The following RSBN1L variants were observed in gnomAD, a reference collection of about 807,000 sequenced individuals.
RSBN1L encodes the protein lysine-specific demethylase RSBN1L.
RSBN1L carries 30 observed loss-of-function variants against 67.7 expected under a neutral mutation model. That is an observed-to-expected ratio of 0.44 (90% CI 0.33 to 0.60). The LOEUF (loss-of-function observed/expected upper bound fraction) is 0.60. Ranked by LOEUF, RSBN1L falls within the 20% of genes least tolerant of loss-of-function variation. The probability of loss-of-function intolerance (pLI) is 0.02; values close to 1 mark genes in which losing one functional copy is unlikely to be tolerated. For synonymous variants in RSBN1L, 433 were observed against 387.0 expected (o/e 1.12, Z -1.39); for missense variants, 992 against 1,031.7 (o/e 0.96, Z 0.53).
At chr7:77,697,160 G>C (rs1164348419) in intron 1 of RSBN1L, 105 bp downstream of exon 1, 58 of 1,231,758 alleles carry the variant, frequency 4.7e-5, no homozygotes, top group Non-Finnish European at 5.7e-5. Context: ...GCGTGCGCCG[G>C]CCTGGAGGGG....
intron 3 of RSBN1L, among the ~76,000 whole-genome samples, chr7:77,762,138 T>G (rs1791704051): frequency 6.6e-6 from 1 of 152,302 alleles, no homozygotes; most frequent in African/African-American, 2.4e-5. Flanking sequence ...GAATTTTACA[T>G]ATCTATATGT....
intron 1 of RSBN1L, among the ~76,000 whole-genome samples, chr7:77,735,054 G>GA (rs746643977): frequency 0.023 from 3,208 of 138,602 alleles, 83 homozygotes; most frequent in African/African-American, 0.074. Flanking sequence ...GTTATCACTT[G>GA]AAAAAAAAAA....
intron 1 of RSBN1L, among the ~76,000 whole-genome samples, chr7:77,701,916 G>A (rs1245326676): frequency 3.9e-5 from 6 of 152,120 alleles, no homozygotes; most frequent in Admixed American, 3.3e-4. Context: ...GCCTCCCAAA[G>A]TGCTGGGGTT....
intron 1 of RSBN1L, among the ~76,000 whole-genome samples, chr7:77,720,366 G>C (rs1401767412): frequency 6.6e-6 from 1 of 151,998 alleles, no homozygotes; most frequent in Non-Finnish European, 1.5e-5. Context: ...TTCAAGACCA[G>C]ACTGACCAAC....
chr7:77,734,454 T>C (rs929474062), intron 1 of RSBN1L, among the ~76,000 whole-genome samples: 1 of 152,142 alleles, frequency 6.6e-6, no homozygotes, highest in Non-Finnish European at 1.5e-5. Context: ...TTAGGAAATA[T>C]TATATAATGT....
At chr7:77,759,224 T>C (rs1308580257) in intron 3 of RSBN1L, among the ~76,000 whole-genome samples, 1 of 152,158 alleles carries the variant, frequency 6.6e-6, no homozygotes, top group Non-Finnish European at 1.5e-5. Flanking sequence ...TTGTACTAAA[T>C]TTTCATTTTG....
At chr7:77,712,420 A>G (rs2150413778) in intron 1 of RSBN1L, among the ~76,000 whole-genome samples, 1 of 152,038 alleles carries the variant, frequency 6.6e-6, no homozygotes, top group East Asian at 1.9e-4. Flanking sequence ...AGCTGGAATT[A>G]TAGACACGTG....
At chr7:77,700,838 T>C (rs1472999097) in intron 1 of RSBN1L, among the ~76,000 whole-genome samples, 1 of 152,146 alleles carries the variant, frequency 6.6e-6, no homozygotes, top group Non-Finnish European at 1.5e-5. Flanking sequence ...CAGATAAACT[T>C]ACCCATTCCA....
chr7:77,724,617 G>T (rs1480929390), intron 1 of RSBN1L, among the ~76,000 whole-genome samples: 1 of 151,154 alleles, frequency 6.6e-6, no homozygotes, highest in Non-Finnish European at 1.5e-5. Flanking sequence ...GTAGAGATGG[G>T]GTTTCACCCT....
chr7:77,714,901 T>A (rs1268113290), intron 1 of RSBN1L, among the ~76,000 whole-genome samples: 3 of 149,166 alleles, frequency 2.0e-5, no homozygotes, highest in Non-Finnish European at 4.4e-5. Context: ...AGGCGGAGCT[T>A]GCAGTGAGCT....
chr7:77,727,550 G>C (rs1348436189), intron 1 of RSBN1L, among the ~76,000 whole-genome samples: 1 of 151,752 alleles, frequency 6.6e-6, no homozygotes, highest in Non-Finnish European at 1.5e-5. Context: ...TTGTCACCCA[G>C]GTTAGAATGC....
At position 77,757,494 on chromosome 7, in the gene RSBN1L, C is replaced by T. The variant is rs1367236950; in HGVS notation, c.1344+7430C>T. On this transcript the variant is annotated intron_variant, in intron 3 of 7. Coordinates refer to ENST00000334955, the MANE Select transcript of RSBN1L (RefSeq NM_198467.3). Reference sequence around the variant, plus strand: ...ATAGAAACATATGCATGGACTTTTCCCAAAGTTTGTAACCTGTCCATATCT... The same window carrying T: ...ATAGAAACATATGCATGGACTTTTCTCAAAGTTTGTAACCTGTCCATATCT... Among the ~76,000 whole-genome samples, 3 of 152,228 alleles carry T rather than the reference C, an allele frequency of 2.0e-5. No individual in the cohort carries two copies. In the East Asian group the frequency reaches 5.8e-4, roughly 29 times the overall value.
intron 3 of RSBN1L, among the ~76,000 whole-genome samples, chr7:77,750,305 T>G (rs1791540478): frequency 1.4e-5 from 2 of 141,002 alleles, no homozygotes; most frequent in Non-Finnish European, 3.0e-5. Context: ...TGTTTTTTTT[T>G]TTTTTTTTTT....
intron 1 of RSBN1L, among the ~76,000 whole-genome samples, chr7:77,720,121 T>C (rs767430320): frequency 1.3e-5 from 2 of 152,228 alleles, no homozygotes; most frequent in Non-Finnish European, 2.9e-5. Flanking sequence ...ACTATTGTTA[T>C]TGTAGTATTT....
chr7:77,777,266 A>G (rs926094149), intron 6 of RSBN1L, among the ~76,000 whole-genome samples: 5 of 152,044 alleles, frequency 3.3e-5, no homozygotes, highest in African/African-American at 1.2e-4. Flanking sequence ...TTAAAGAATC[A>G]TTTCTAAAGA....
chr7:77,760,046 G>A (rs887980261), intron 3 of RSBN1L, among the ~76,000 whole-genome samples: 1 of 151,842 alleles, frequency 6.6e-6, no homozygotes, highest in African/African-American at 2.4e-5. Context: ...TACTATATTT[G>A]CCTTTTCCCC....
intron 1 of RSBN1L, among the ~76,000 whole-genome samples, chr7:77,735,443 T>A (rs1288288449): frequency 2.6e-5 from 4 of 152,172 alleles, no homozygotes; most frequent in Non-Finnish European, 5.9e-5. Context: ...CAATTCAGAT[T>A]TAGATTACTG....
At chr7:77,732,144 C>T (rs1257390687) in intron 1 of RSBN1L, among the ~76,000 whole-genome samples, 2 of 152,074 alleles carry the variant, frequency 1.3e-5, no homozygotes, top group Non-Finnish European at 2.9e-5. Flanking sequence ...AGATCAGTTA[C>T]GAATTTTTCC....
rs112029037 is a variant in RSBN1L at position 77,758,376 on chromosome 7, A to G, written c.1345-7119A>G. ...TTTAATATTTGTGGGTACATAGTAG[A>G]TGTATATATTTATGGGGTACATAAG... On this transcript the variant is annotated intron_variant, in intron 3 of 7. Transcript: ENST00000334955. 8.5e-5 allele frequency among the ~76,000 whole-genome samples: 13 copies of G among 152,274 alleles called. 1 individual carries two copies. The highest frequency in any genetic ancestry group is 2.9e-4 in the African/African-American group (12 of 41,546).
Sources: allele counts gnomAD v4.1 joint callset (sites outside exome capture counted in the v4.1 genomes callset), GRCh38; gene constraint gnomAD v4.1.1; transcripts MANE v1.5; gene names NCBI Gene and HGNC (gene_info 2026-07-23, HGNC 2026-07-21).